The following ARGLU1 variants were observed in gnomAD, a reference collection of about 807,000 sequenced individuals.
ARGLU1 encodes the protein arginine and glutamate-rich protein 1.
Under a neutral mutation model 37.6 loss-of-function variants are expected in ARGLU1, and 9 were observed. The observed-to-expected ratio is 0.24, with a 90% confidence interval of 0.14 to 0.42. ARGLU1 has a LOEUF of 0.42. Ranked by LOEUF, ARGLU1 falls within the 10% of genes least tolerant of loss-of-function variation. ARGLU1 has a pLI of 1.00. For missense variants in ARGLU1, 211 were observed against 359.2 expected, an observed-to-expected ratio of 0.59 and a Z score of 3.34; for synonymous variants, 166 against 138.5, an observed-to-expected ratio of 1.20 and a Z score of -1.39.
intron 2 of ARGLU1, chr13:106,558,890 T>C (rs893481501): frequency 2.0e-5 from 20 of 985,240 alleles, no homozygotes; most frequent in Non-Finnish European, 2.4e-5. Flanking sequence ...AATTAGTCCA[T>C]TGTGCTGAAG....
At chr13:106,558,119 T>C (rs1042705687) in intron 2 of ARGLU1, 6 of 984,416 alleles carry the variant, frequency 6.1e-6, no homozygotes, top group Non-Finnish European at 6.0e-6. Flanking sequence ...GTTGTGTCCG[T>C]GTAAAAAAAA....
At chr13:106,563,002 A>AAC (rs1555327366) in intron 1 of ARGLU1, among the ~76,000 whole-genome samples, 3 of 123,460 alleles carry the variant, frequency 2.4e-5, no homozygotes, top group African/African-American at 9.0e-5. Flanking sequence ...AAAAAAAAAA[A>AAC]AAAAAACAAA....
At chr13:106,549,846 C>T (rs1880490385) in intron 3 of ARGLU1, among the ~76,000 whole-genome samples, 1 of 152,204 alleles carries the variant, frequency 6.6e-6, no homozygotes, top group East Asian at 1.9e-4. Context: ...TGAGATTGAG[C>T]TTTGTATGCA....
rs1212077993 is a variant in ARGLU1 at position 106,567,451 on chromosome 13, G to T, written c.347+122C>A. The T allele has an allele frequency of 6.2e-6, 4 of 646,172 alleles. No homozygotes were observed. In the African/African-American group the frequency reaches 7.9e-5, roughly 13 times the overall value. The allele number at this position is 646,172 out of a possible 1,614,324, so 40.0% of individuals were successfully genotyped here. ...GCCTCTCCGACCCGTTCCCGCGCCC[G>T]GTCCCCAGCCCCGGACCGTCCCCGC... On this transcript the variant is annotated intron_variant, in intron 1 of 3. Coordinates refer to ENST00000400198, the MANE Select transcript of ARGLU1 (RefSeq NM_018011.4). The surrounding 1 kb of genome is among the most constrained non-coding windows in gnomAD (Gnocchi z 4.3).
intron 3 of ARGLU1, among the ~76,000 whole-genome samples, chr13:106,551,982 CA>C: frequency 6.6e-6 from 1 of 152,188 alleles, no homozygotes; most frequent in East Asian, 1.9e-4. Flanking sequence ...CCCTCCTTGT[CA>C]TATATGGGCA....
rs764858411 is a variant in ARGLU1 at position 106,557,108 on chromosome 13, C to T, written c.597G>A (p.Glu199=). ...TCTCTTCCAGTATTCGCTCTAGCTC[C>T]TCACGTTTTGCACGTTCTTCCTCCT... ...AREEEERAKR[E]ELERILEENN... The change falls in exon 3 of 4, where the codon GAG becomes GAA. Residue 199 remains glutamate (E), a synonymous_variant. Transcript: ENST00000400198. This position sits in a 1 kb window ranked among gnomAD's most constrained non-coding sequence, Gnocchi z 5.0. The T allele has an allele frequency of 1.9e-6, 3 of 1,613,770 alleles. No homozygotes were observed. In the East Asian group the frequency reaches 6.7e-5, roughly 36 times the overall value.
At position 106,557,841 on chromosome 13, in the gene ARGLU1, G is replaced by A; in HGVS notation, c.574-710C>T. The A allele has an allele frequency of 8.2e-7, 1 of 1,224,492 alleles. No individual in the cohort carries two copies. Among genetic ancestry groups the A allele is most frequent in the African/African-American group, 1.6e-5 (1 of 64,472 alleles). 75.9% of individuals were successfully genotyped at this position (1,224,492 alleles called of 1,614,324 possible). A position where few individuals can be genotyped will look rare whatever the true frequency, so the allele number is the denominator to read the frequency against. On this transcript the variant is annotated intron_variant, in intron 2 of 3. Transcript: ENST00000400198. The surrounding 1 kb of genome is among the most constrained non-coding windows in gnomAD (Gnocchi z 5.0). ...GTAATCCATACTTCATGGAACTACG[G>A]GCTTCTTCCATGGGGAAAATGGACT...
At position 106,567,150 on chromosome 13, in the gene ARGLU1, G is replaced by A. The variant is rs893100887; in HGVS notation, c.347+423C>T. Among the ~76,000 whole-genome samples the A allele has an allele frequency of 6.6e-6, 1 of 152,046 alleles. No homozygotes were observed. The highest frequency in any genetic ancestry group is 1.5e-5 in the Non-Finnish European group (1 of 67,966). ...GCCAGCTGTGATTCGCATCTCAAAG[G>A]TTAATTCCCTTCTCTCTCCTCCTCA... On this transcript the variant is annotated intron_variant, in intron 1 of 3. Transcript: ENST00000400198. This position sits in a 1 kb window ranked among gnomAD's most constrained non-coding sequence, Gnocchi z 4.3.
At chr13:106,545,330 G>C (rs116254460) in intron 3 of ARGLU1, among the ~76,000 whole-genome samples, 52 of 152,242 alleles carry the variant, frequency 3.4e-4, no homozygotes, top group African/African-American at 1.2e-3. Flanking sequence ...AACATTCGCT[G>C]CATCCTTTGA....
At chr13:106,544,269 A>G in intron 3 of ARGLU1, 109 bp from the exon 4 acceptor site, 1 of 946,422 alleles carries the variant, frequency 1.1e-6, no homozygotes, top group Admixed American at 3.5e-5. Flanking sequence ...TTTTAATGCA[A>G]ATGCAAAAAA....
At chr13:106,562,990 C>CAAAAAAAAAAAA (rs745494550) in intron 1 of ARGLU1, among the ~76,000 whole-genome samples, 1 of 67,418 alleles carries the variant, frequency 1.5e-5, no homozygotes, top group African/African-American at 5.4e-5. Flanking sequence ...GACCCTGTCT[C>CAAAAAAAAAAAA]AAAAAAAAAA....
intron 1 of ARGLU1, among the ~76,000 whole-genome samples, chr13:106,565,745 T>TA (rs1566476461): frequency 1.3e-5 from 2 of 152,212 alleles, no homozygotes; most frequent in African/African-American, 4.8e-5. Flanking sequence ...CCCAGGAATT[T>TA]AGAGTACAGG....
intron 3 of ARGLU1, among the ~76,000 whole-genome samples, chr13:106,549,414 T>A (rs1479012507): frequency 1.3e-5 from 2 of 152,316 alleles, no homozygotes; most frequent in East Asian, 3.9e-4. Context: ...CATAACTTTT[T>A]AAATGTATAT....
intron 1 of ARGLU1, among the ~76,000 whole-genome samples, chr13:106,561,424 T>TACACACACACAC (rs59373729): frequency 6.8e-6 from 1 of 147,966 alleles, no homozygotes; most frequent in East Asian, 2.0e-4. Context: ...TAATAAAGTG[T>TACACACACACAC]ACACACACAC....
chr13:106,564,762 C>A (rs2138977479), intron 1 of ARGLU1, among the ~76,000 whole-genome samples: 1 of 152,316 alleles, frequency 6.6e-6, no homozygotes, highest in East Asian at 1.9e-4. Flanking sequence ...ATGATCAAGT[C>A]TGGATAAACT....
At chr13:106,553,944 C>T (rs1447633270) in intron 3 of ARGLU1, among the ~76,000 whole-genome samples, 1 of 152,124 alleles carries the variant, frequency 6.6e-6, no homozygotes, top group African/African-American at 2.4e-5. Flanking sequence ...TTCCAATATC[C>T]CAAGTTTCCA....
chr13:106,556,114 CA>C (rs1312389566), intron 3 of ARGLU1, among the ~76,000 whole-genome samples: 3 of 152,180 alleles, frequency 2.0e-5, no homozygotes, highest in Admixed American at 6.5e-5. Context: ...CATACTTATT[CA>C]TAAGCATGCA....
chr13:106,547,616 A>G (rs1199274525), intron 3 of ARGLU1, among the ~76,000 whole-genome samples: 2 of 152,058 alleles, frequency 1.3e-5, no homozygotes, highest in Non-Finnish European at 2.9e-5. Flanking sequence ...TGAAAAAAAG[A>G]AAGTTCCTTG....
chr13:106,565,050 T>C (rs146847608), intron 1 of ARGLU1, among the ~76,000 whole-genome samples: 132 of 152,324 alleles, frequency 8.7e-4, no homozygotes, highest in African/African-American at 3.0e-3. Context: ...TCACTACTCC[T>C]GTGTAAACTT....
Sources: gnomAD v4.1 joint callset for allele counts (sites outside exome capture counted in the v4.1 genomes callset) on GRCh38, gnomAD v4.1.1 for gene constraint, Gnocchi (gnomAD v3.1) non-coding constraint, MANE v1.5 for transcripts, NCBI Gene and HGNC (gene_info 2026-07-23, HGNC 2026-07-21) for gene names.